The following PHF14 variants were observed in gnomAD, a reference collection of about 807,000 sequenced individuals.
The protein encoded by PHF14 is PHD finger protein 14.
A neutral mutation model predicts 117.9 loss-of-function variants in PHF14; 55 were observed. That is an observed-to-expected ratio of 0.47 (90% CI 0.38 to 0.58). The LOEUF is 0.58. Ranked by LOEUF, PHF14 falls within the 20% of genes least tolerant of loss-of-function variation. The pLI, the probability that PHF14 is intolerant of heterozygous loss-of-function variation, is 0.00. For synonymous variants in PHF14, 409 were observed against 368.6 expected, an observed-to-expected ratio of 1.11 and a Z score of -1.26; for missense variants, 978 against 1,122.2, an observed-to-expected ratio of 0.87 and a Z score of 1.84.
intron 17 of PHF14, among the ~76,000 whole-genome samples, chr7:11,148,287 C>T (rs976395094): frequency 1.3e-5 from 2 of 152,150 alleles, no homozygotes; most frequent in African/African-American, 4.8e-5. Context: ...ATCAAATAAC[C>T]GTTATGGGCT....
intron 17 of PHF14, among the ~76,000 whole-genome samples, chr7:11,132,430 C>G (rs1788116684): frequency 6.6e-6 from 1 of 151,396 alleles, no homozygotes; most frequent in Non-Finnish European, 1.5e-5. Context: ...GGCGAGATCT[C>G]ATTCTTTTTT....
intron 13 of PHF14, among the ~76,000 whole-genome samples, chr7:11,049,177 T>TA (rs1254749493): frequency 6.6e-6 from 1 of 152,118 alleles, no homozygotes; most frequent in East Asian, 1.9e-4. Context: ...CAACATATTT[T>TA]AAAAGTAAAT....
chr7:11,046,259 C>T (rs1784659457), intron 13 of PHF14, among the ~76,000 whole-genome samples: 1 of 152,136 alleles, frequency 6.6e-6, no homozygotes, highest in Admixed American at 6.6e-5. Flanking sequence ...ATGGTAAGGG[C>T]TTGATTTATT....
At chr7:11,159,494 AT>A (rs1412181128) in intron 17 of PHF14, among the ~76,000 whole-genome samples, 1 of 152,120 alleles carries the variant, frequency 6.6e-6, no homozygotes, top group Non-Finnish European at 1.5e-5. Flanking sequence ...AAAAATATAT[AT>A]TTAATACATA....
At chr7:11,036,890 G>A (rs1234624564) in intron 9 of PHF14, 95 bp from the exon 10 acceptor site, 1 of 985,020 alleles carries the variant, frequency 1.0e-6, no homozygotes, top group South Asian at 1.6e-5. Flanking sequence ...TTTAAACTAT[G>A]TAGGTTTATC....
At chr7:10,986,110 A>G (rs547795221) in intron 3 of PHF14, among the ~76,000 whole-genome samples, 25 of 150,996 alleles carry the variant, frequency 1.7e-4, no homozygotes, top group Non-Finnish European at 2.9e-4. Context: ...CTGAGACTAC[A>G]GGTGTACGAC....
intron 14 of PHF14, among the ~76,000 whole-genome samples, chr7:11,061,096 G>T (rs1785208064): frequency 2.6e-5 from 4 of 152,062 alleles, no homozygotes. Flanking sequence ...CTGCATATGG[G>T]GCTGTGCTGT....
chr7:11,010,502 A>AT (rs1342216734), intron 4 of PHF14, among the ~76,000 whole-genome samples: 2 of 151,936 alleles, frequency 1.3e-5, no homozygotes, highest in Admixed American at 6.6e-5. Flanking sequence ...TATGATACAT[A>AT]TAATTATGTA....
intron 16 of PHF14, chr7:11,104,595 A>G (rs137956166): frequency 4.1e-6 from 4 of 984,036 alleles, no homozygotes; most frequent in East Asian, 2.3e-4. Flanking sequence ...AAACATGAAA[A>G]TATCAGGAAG....
In PHF14 at chr7:11,023,487, C is replaced by T. The variant is rs147387249; in HGVS notation, c.1317+508C>T. 6.1e-3 allele frequency among the ~76,000 whole-genome samples: 924 copies of T among 152,292 alleles called. 4 individuals carry two copies. The highest frequency in any genetic ancestry group is 8.9e-3 in the Non-Finnish European group (606 of 68,026). Reference sequence around the variant, plus strand: ...CAACCTGGTGTTCCCCTATCTTTCTCCCTGACTTGGTTGGGGCCTCTCTGT... The same window carrying T: ...CAACCTGGTGTTCCCCTATCTTTCTTCCTGACTTGGTTGGGGCCTCTCTGT... On this transcript the variant is annotated intron_variant, in intron 6 of 17. Transcript: ENST00000634607.
At position 11,103,358 on chromosome 7, in the gene PHF14, A is replaced by G. The variant is rs576617691; in HGVS notation, c.2655-7992A>G. ...AATTTTATTTTTCTCAACCTTAAAT[A>G]TGAACTTAGGAAATAAGGAGGGAAG... On this transcript the variant is annotated intron_variant, in intron 16 of 17. Transcript: ENST00000634607. 5.0e-5 allele frequency: 48 copies of G among 954,076 alleles called. No individual in the cohort carries two copies. In the African/African-American group the frequency reaches 7.8e-4, roughly 15 times the overall value. 59.1% of individuals were successfully genotyped at this position (954,076 alleles called of 1,614,324 possible).
At chr7:11,037,190 C>T (rs1784344886) in intron 10 of PHF14, 99 bp downstream of exon 10, 2 of 1,076,168 alleles carry the variant, frequency 1.9e-6, no homozygotes, top group Non-Finnish European at 2.6e-6. Flanking sequence ...TTTTTAATTT[C>T]TTCTGGAGCT....
chr7:11,097,036 A>G (rs974702788), intron 16 of PHF14, among the ~76,000 whole-genome samples: 5 of 146,378 alleles, frequency 3.4e-5, no homozygotes, highest in Non-Finnish European at 4.5e-5. Context: ...CTGGAGTGCA[A>G]TGGCACGATC....
intron 13 of PHF14, among the ~76,000 whole-genome samples, chr7:11,047,796 A>G (rs1784722697): frequency 7.3e-6 from 1 of 136,860 alleles, no homozygotes; most frequent in Admixed American, 7.3e-5. Context: ...ACAAAAAGAC[A>G]GAAGAAGAGG....
intron 13 of PHF14, among the ~76,000 whole-genome samples, chr7:11,048,800 C>A (rs777128114): frequency 6.6e-6 from 1 of 152,138 alleles, no homozygotes; most frequent in Non-Finnish European, 1.5e-5. Flanking sequence ...AGTGTGGACT[C>A]TATCTACTGC....
chr7:11,091,152 G>A (rs1786627960), intron 16 of PHF14, among the ~76,000 whole-genome samples: 1 of 152,192 alleles, frequency 6.6e-6, no homozygotes, highest in African/African-American at 2.4e-5. Context: ...CAGTTTGAGG[G>A]CTGTGAACCT....
intron 4 of PHF14, among the ~76,000 whole-genome samples, chr7:11,001,493 C>T (rs1043018350): frequency 6.6e-6 from 1 of 152,112 alleles, no homozygotes; most frequent in East Asian, 1.9e-4. Context: ...GAAGAAATGA[C>T]ATCTTGACAA....
chr7:11,027,300 G>A (rs577286285), intron 6 of PHF14, among the ~76,000 whole-genome samples: 3 of 151,994 alleles, frequency 2.0e-5, no homozygotes, highest in African/African-American at 7.3e-5. Flanking sequence ...ACTGTTATTA[G>A]AGAAATTATA....
At chr7:11,138,202 G>A (rs1788291640) in intron 17 of PHF14, among the ~76,000 whole-genome samples, 1 of 151,920 alleles carries the variant, frequency 6.6e-6, no homozygotes, top group Non-Finnish European at 1.5e-5. Flanking sequence ...CACCACACCT[G>A]GCTAATTTTT....
Sources: gnomAD v4.1 joint callset for allele counts (sites outside exome capture counted in the v4.1 genomes callset) on GRCh38, gnomAD v4.1.1 for gene constraint, MANE v1.5 for transcripts, NCBI Gene and HGNC (gene_info 2026-07-23, HGNC 2026-07-21) for gene names.